The following MYO18B variants were observed in gnomAD, a reference collection of about 807,000 sequenced individuals.
MYO18B encodes unconventional myosin-XVIIIb.
A neutral mutation model predicts 273.0 loss-of-function variants in MYO18B; 204 were observed. The observed-to-expected ratio is 0.75, with a 90% CI of 0.67 to 0.84. MYO18B has a LOEUF of 0.84. MYO18B is among the 40% of genes least tolerant of loss of function. The pLI, the probability that MYO18B is intolerant of heterozygous loss-of-function variation, is 0.00. For synonymous variants in MYO18B, 1,330 were observed against 1,305.7 expected (o/e 1.02, Z -0.40); for missense variants, 3,212 against 3,287.6 (o/e 0.98, Z 0.56).
chr22:25,803,023 G>A (rs1213948619), intron 12 of MYO18B, among the ~76,000 whole-genome samples: 1 of 149,854 alleles, frequency 6.7e-6, no homozygotes, highest in Non-Finnish European at 1.5e-5. Flanking sequence ...GTGCAGTGGC[G>A]CGATCTCTGC....
intron 23 of MYO18B, among the ~76,000 whole-genome samples, chr22:25,875,513 C>G (rs577061232): frequency 2.6e-5 from 4 of 152,018 alleles, no homozygotes; most frequent in Admixed American, 6.5e-5. Context: ...GGTCCCCCCC[C>G]CAGTGATAAG....
intron 16 of MYO18B, among the ~76,000 whole-genome samples, chr22:25,833,818 T>C (rs775718120): frequency 1.3e-5 from 2 of 152,240 alleles, no homozygotes; most frequent in East Asian, 1.9e-4. Context: ...GTGGCATCTC[T>C]CCTGCCATCT....
intron 3 of MYO18B, among the ~76,000 whole-genome samples, chr22:25,765,744 G>A (rs1023511653): frequency 7.9e-5 from 12 of 152,146 alleles, no homozygotes; most frequent in African/African-American, 2.9e-4. Flanking sequence ...AAGGTCCAAA[G>A]GAAGAGAATC....
chr22:26,044,077 C>T, the MYO18B span, among the ~76,000 whole-genome samples: 1 of 152,132 alleles, frequency 6.6e-6, no homozygotes, highest in Non-Finnish European at 1.5e-5. Context: ...TGGCATTTTT[C>T]TAATAACTAA....
intron 18 of MYO18B, among the ~76,000 whole-genome samples, chr22:25,844,849 C>G (rs1259020315): frequency 6.6e-6 from 1 of 152,164 alleles, no homozygotes; most frequent in Non-Finnish European, 1.5e-5. Flanking sequence ...AATGATGACC[C>G]AGGTGGCACA....
rs185921633 is a variant in MYO18B at position 25,846,561 on chromosome 22, T to C, written c.3552+278T>C. On this transcript the variant is annotated intron_variant, in intron 19 of 43. Transcript: ENST00000335473. The stretch of plus-strand genomic sequence containing the variant: ...GGCCTGGGGGAGTTCCCAGAAGCTA[T>C]GAATGCCCTCTTGACTCCAGTGACA... Among the ~76,000 whole-genome samples, 822 of 152,298 alleles carry C rather than the reference T, an allele frequency of 5.4e-3. 3 individuals are homozygous for C. The highest frequency in any genetic ancestry group is 8.3e-3 in the Admixed American group (127 of 15,298).
chr22:25,769,701 G>A (rs921334813), intron 4 of MYO18B, among the ~76,000 whole-genome samples: 4 of 152,114 alleles, frequency 2.6e-5, no homozygotes, highest in Admixed American at 6.5e-5. Context: ...GTCTCCTCAC[G>A]GCTGACATGG....
chr22:25,849,408 A>T (rs143856258), intron 20 of MYO18B, among the ~76,000 whole-genome samples: 1 of 152,208 alleles, frequency 6.6e-6, no homozygotes, highest in South Asian at 2.1e-4. Flanking sequence ...TCACACTCAC[A>T]TGAGATAGAT....
chr22:25,970,056 A>G (rs1034378539), intron 39 of MYO18B, among the ~76,000 whole-genome samples: 3 of 151,998 alleles, frequency 2.0e-5, no homozygotes, highest in African/African-American at 7.2e-5. Context: ...TGTTACCACA[A>G]CCATTACCAT....
At chr22:25,851,211 G>T (rs2090417194) in intron 20 of MYO18B, among the ~76,000 whole-genome samples, 2 of 152,188 alleles carry the variant, frequency 1.3e-5, no homozygotes, top group South Asian at 4.2e-4. Context: ...GCGGATGAGT[G>T]TGCAGCTTTT....
chr22:25,787,662 C>T (rs572731526), intron 11 of MYO18B, among the ~76,000 whole-genome samples: 7 of 152,220 alleles, frequency 4.6e-5, no homozygotes, highest in African/African-American at 1.4e-4. Flanking sequence ...TCTCAAAACT[C>T]ATGCATGAAA....
At chr22:25,779,879 T>G (rs978921164) in intron 8 of MYO18B, among the ~76,000 whole-genome samples, 177 bp from the exon 9 acceptor site, 1 of 152,080 alleles carries the variant, frequency 6.6e-6, no homozygotes, top group African/African-American at 2.4e-5. Context: ...TGTATGTGGT[T>G]TATAGTTGGG....
intron 4 of MYO18B, 129 bp from the exon 5 acceptor site, chr22:25,769,981 T>G (rs554268860): frequency 2.1e-6 from 2 of 936,616 alleles, no homozygotes; most frequent in South Asian, 2.8e-5. Flanking sequence ...GCACACTCCC[T>G]CTCCTGTTCT....
chr22:25,955,402 G>GGGTTTGCAATGT (rs781619735), intron 39 of MYO18B, 38 bp downstream of exon 39: 2 of 1,574,552 alleles, frequency 1.3e-6, no homozygotes. Flanking sequence ...TAGCGACTGA[G>GGGTTTGCAATGT]GGTTTGCAAT....
chr22:26,054,735 A>G, the MYO18B span, among the ~76,000 whole-genome samples: 1 of 152,200 alleles, frequency 6.6e-6, no homozygotes, highest in Non-Finnish European at 1.5e-5. Context: ...GCTACTGTTT[A>G]TAGAGACGGT....
intron 39 of MYO18B, among the ~76,000 whole-genome samples, chr22:25,978,425 T>C (rs2093116003): frequency 6.6e-6 from 1 of 152,116 alleles, no homozygotes; most frequent in South Asian, 2.1e-4. Flanking sequence ...ACTCTGGGAA[T>C]TACTGATGTG....
At chr22:25,943,471 A>G (rs1445416082) in intron 34 of MYO18B, among the ~76,000 whole-genome samples, 1 of 152,104 alleles carries the variant, frequency 6.6e-6, no homozygotes, top group South Asian at 2.1e-4. Flanking sequence ...GCAGACTGAA[A>G]TAAAATCTAA....
chr22:25,855,341 T>C (rs991685565), intron 21 of MYO18B, among the ~76,000 whole-genome samples: 2 of 147,412 alleles, frequency 1.4e-5, no homozygotes, highest in Non-Finnish European at 3.0e-5. Flanking sequence ...TAGAATGCGG[T>C]GGCACGATCT....
chr22:25,904,220 TTC>T (rs1047657559), intron 31 of MYO18B, among the ~76,000 whole-genome samples: 10 of 152,248 alleles, frequency 6.6e-5, no homozygotes, highest in African/African-American at 1.4e-4. Context: ...CAGATTGTTT[TTC>T]TCTTTCTCTT....
Sources: allele counts gnomAD v4.1 joint callset (sites outside exome capture counted in the v4.1 genomes callset), GRCh38; gene constraint gnomAD v4.1.1; transcripts MANE v1.5; gene names NCBI Gene and HGNC (gene_info 2026-07-23, HGNC 2026-07-21).